Variants in MAPK6 observed in about 807,000 individuals in gnomAD.
MAPK6 encodes ERK-3.
MAPK6 carries 19 observed loss-of-function variants against 59.3 expected under a neutral mutation model. The ratio of observed to expected loss-of-function variants is 0.32; its 90% CI spans 0.22 to 0.47. The LOEUF is 0.47. MAPK6 is among the 20% of genes least tolerant of loss of function. MAPK6 has a pLI of 1.00. For synonymous variants in MAPK6, 316 were observed against 290.3 expected (o/e 1.09, Z -0.90); for missense variants, 724 against 847.9 (o/e 0.85, Z 1.81).
intron 1 of MAPK6, among the ~76,000 whole-genome samples, chr15:52,023,106 C>CA (rs60315520): frequency 0.83 from 62,110 of 74,462 alleles, 25,523 homozygotes; most frequent in Middle Eastern, 0.92. Flanking sequence ...GACTCCGTCT[C>CA]AAAAAAAAAA....
intron 1 of MAPK6, among the ~76,000 whole-genome samples, chr15:51,974,836 G>A (rs2057152981): frequency 6.7e-6 from 1 of 150,342 alleles, no homozygotes; most frequent in South Asian, 2.1e-4. Context: ...TCCTGTCTCA[G>A]CCTCCCAAGT....
chr15:52,025,515 A>G (rs1243922626), intron 1 of MAPK6, among the ~76,000 whole-genome samples: 1 of 152,194 alleles, frequency 6.6e-6, no homozygotes, highest in Non-Finnish European at 1.5e-5. Flanking sequence ...TCCTTTAAAT[A>G]GTTGGGGCTG....
chr15:52,027,370 A>G (rs1188605823), intron 1 of MAPK6, among the ~76,000 whole-genome samples: 1 of 150,348 alleles, frequency 6.7e-6, no homozygotes, highest in Non-Finnish European at 1.5e-5. Context: ...AAAAAAAAAG[A>G]AAATGCCTGT....
At chr15:52,018,932 T>C (rs1223441027), upstream of MAPK6, 2 of 152,336 alleles carry the variant, frequency 1.3e-5, no homozygotes, top group Admixed American at 6.5e-5. Flanking sequence ...AGTAGGTGCT[T>C]AGTAAACGCT....
At chr15:52,044,548 A>C (rs2031539497) in intron 1 of MAPK6, among the ~76,000 whole-genome samples, 1 of 152,114 alleles carries the variant, frequency 6.6e-6, no homozygotes, top group Non-Finnish European at 1.5e-5. Flanking sequence ...TTTGTTAGGA[A>C]TTCTGACCAC....
At chr15:51,976,139 G>A (rs576390109) in intron 1 of MAPK6, among the ~76,000 whole-genome samples, 5 of 151,186 alleles carry the variant, frequency 3.3e-5, no homozygotes, top group East Asian at 1.9e-4. Context: ...GGTGGCACAT[G>A]CCTGTAGTCC....
At chr15:52,062,316 C>T (rs1047002104) in intron 5 of MAPK6, among the ~76,000 whole-genome samples, 9 of 151,956 alleles carry the variant, frequency 5.9e-5, no homozygotes, top group Non-Finnish European at 1.2e-4. Flanking sequence ...CGTGAACCAC[C>T]GTACTCAGCC....
chr15:52,029,225 A>G (rs1032753110), intron 1 of MAPK6, among the ~76,000 whole-genome samples: 6 of 152,034 alleles, frequency 3.9e-5, no homozygotes, highest in Non-Finnish European at 7.4e-5. Context: ...TTTAGTAGAG[A>G]TGGGGTTTCA....
At position 52,050,094 on chromosome 15, in the gene MAPK6, C is replaced by G; in HGVS notation, c.657C>G (p.Gly219=). The change falls in exon 3 of 6, where the codon GGC becomes GGG. Residue 219 remains glycine, a synonymous_variant. Transcript: ENST00000261845. ...AAGCCATTGACATGTGGGCTGCAGG[C>G]TGCATCTTTGCTGAAATGCTGACTG... is the stretch of plus-strand genomic sequence containing the variant. ...YTKAIDMWAA[G]CIFAEMLTGK... 3.7e-6 allele frequency: 6 copies of G among 1,612,028 alleles called. No individual in the cohort carries two copies. Among genetic ancestry groups the G allele is most frequent in the Non-Finnish European group, 5.1e-6 (6 of 1,179,490 alleles).
chr15:51,986,003 A>G (rs2057190191), intron 2 of MAPK6, among the ~76,000 whole-genome samples: 1 of 152,180 alleles, frequency 6.6e-6, no homozygotes, highest in Non-Finnish European at 1.5e-5. Context: ...ATGTCACTGT[A>G]TTAGTCTGTT....
Position 51,992,150 on chromosome 15 carries a change from GT to G in MAPK6, c.-770+8839del, listed in dbSNP as rs1025554414. ...TGTTTGTATTTTTTGTAGAGACAGG[GT>G]TTTGCCATGTTGCACAGGCTGGTCT... On this transcript the variant is annotated intron_variant, in intron 2 of 7. Coordinates refer to the MAPK6 transcript ENST00000691380. Among the ~76,000 whole-genome samples, 20 of 151,832 alleles carry G rather than the reference GT, an allele frequency of 1.3e-4. No individual in the cohort carries two copies. In the East Asian group the frequency reaches 3.7e-3, roughly 28 times the overall value.
At chr15:51,991,694 C>G (rs2057209279) in intron 2 of MAPK6, among the ~76,000 whole-genome samples, 1 of 152,178 alleles carries the variant, frequency 6.6e-6, no homozygotes, top group Non-Finnish European at 1.5e-5. Flanking sequence ...GGGTTGCCGA[C>G]ATCGGCAAAG....
In MAPK6 at chr15:51,973,824, G is replaced by A. The variant is rs967249992; in HGVS notation, c.-880+1918G>A. 8.6e-5 allele frequency among the ~76,000 whole-genome samples: 13 copies of A among 151,802 alleles called. 1 individual carries two copies. The highest frequency in any genetic ancestry group is 8.5e-4 in the Admixed American group (13 of 15,246). On this transcript the variant is annotated intron_variant, in intron 1 of 7. Coordinates refer to the MAPK6 transcript ENST00000691380. ...TGCGCCACCATATCCGGTTAATTTT[G>A]TATTTTTAGTAGAGATGGGATTTCA...
At chr15:51,972,577 A>T (rs1013862852) in intron 1 of MAPK6, among the ~76,000 whole-genome samples, 20 of 148,502 alleles carry the variant, frequency 1.3e-4, no homozygotes, top group South Asian at 6.4e-4. Flanking sequence ...TAATCCCAGC[A>T]CTTTGGGAGG....
At chr15:52,032,967 G>C (rs1191346609) in intron 1 of MAPK6, among the ~76,000 whole-genome samples, 1 of 152,010 alleles carries the variant, frequency 6.6e-6, no homozygotes, top group Admixed American at 6.6e-5. Context: ...TTACAGGCGT[G>C]AGCCACCGCG....
At chr15:52,029,746 A>T (rs2030956913) in intron 1 of MAPK6, among the ~76,000 whole-genome samples, 1 of 152,188 alleles carries the variant, frequency 6.6e-6, no homozygotes, top group Non-Finnish European at 1.5e-5. Flanking sequence ...CCAAAATATC[A>T]CTTAAATCTG....
At chr15:52,023,119 A>AC (rs529721466) in intron 1 of MAPK6, among the ~76,000 whole-genome samples, 10 of 151,396 alleles carry the variant, frequency 6.6e-5, no homozygotes, top group Non-Finnish European at 8.9e-5. Flanking sequence ...AAAAAAAAAA[A>AC]AAAAAAAAAC....
chr15:52,007,204 G>T (rs559514672), intron 3 of MAPK6, among the ~76,000 whole-genome samples: 3 of 152,230 alleles, frequency 2.0e-5, no homozygotes, highest in Admixed American at 6.5e-5. Flanking sequence ...CTTTGAGGCA[G>T]CCTTGGACAC....
In MAPK6 at chr15:51,979,106, G is replaced by GA. The variant is rs932179715; in HGVS notation, c.-879-4090dup. Among the ~76,000 whole-genome samples, 495 of 102,090 alleles carry GA rather than the reference G, an allele frequency of 4.8e-3. 5 individuals carry two copies. The highest frequency in any genetic ancestry group is 0.017 in the African/African-American group (462 of 27,254). The allele number at this position is 102,090 out of a possible 152,430, so 67.0% of individuals were successfully genotyped here. On this transcript the variant is annotated intron_variant, in intron 1 of 7. Transcript: ENST00000691380. ...AGCCGGGGTGACAGAGTGAGACCTTGAAAAAAAAAAGAGAGAAAGAAAGGA... is the reference window on the plus strand; with the variant it reads ...AGCCGGGGTGACAGAGTGAGACCTTGAAAAAAAAAAAGAGAGAAAGAAAGGA...
Sources: gnomAD v4.1 joint callset for allele counts (sites outside exome capture counted in the v4.1 genomes callset) on GRCh38, gnomAD v4.1.1 for gene constraint, MANE v1.5 for transcripts, NCBI Gene and HGNC (gene_info 2026-07-23, HGNC 2026-07-21) for gene names.